Variants in WDR33 observed in about 807,000 individuals in gnomAD.
WDR33 encodes the protein WD repeat domain 33.
Under a neutral mutation model 164.9 loss-of-function variants are expected in WDR33, and 47 were observed. The observed-to-expected ratio is 0.29, with a 90% CI of 0.23 to 0.36. The LOEUF (loss-of-function observed/expected upper bound fraction) is 0.36. Ranked by LOEUF, WDR33 falls within the 10% of genes least tolerant of loss-of-function variation. The pLI, the probability that WDR33 is intolerant of heterozygous loss-of-function variation, is 1.00. For synonymous variants in WDR33, 505 were observed against 589.0 expected (o/e 0.86, Z 2.06); for missense variants, 1,137 against 1,754.1 (o/e 0.65, Z 6.28).
intron 1 of WDR33, among the ~76,000 whole-genome samples, chr2:127,793,538 C>G (rs1688916424): frequency 6.6e-6 from 1 of 151,736 alleles, no homozygotes; most frequent in African/African-American, 2.4e-5. Flanking sequence ...GCCAGGAGTT[C>G]AAGACCACCC....
rs894023705 is a variant in WDR33, at chr2:127,718,444, A to G, written c.2760+821T>C. On this transcript the variant is annotated intron_variant, in intron 16 of 21. Transcript: ENST00000322313. The surrounding 1 kb of genome is among the most constrained non-coding windows in gnomAD (Gnocchi z 4.4). ...AACTTGAGAAAAGCATAAAATGCACATAGCTGAGCAGTATTACATCTATTT... is the reference window on the plus strand; with the variant it reads ...AACTTGAGAAAAGCATAAAATGCACGTAGCTGAGCAGTATTACATCTATTT... 1.3e-5 allele frequency among the ~76,000 whole-genome samples: 2 copies of G among 152,160 alleles called. No homozygotes were observed. Among genetic ancestry groups the G allele is most frequent in the African/African-American group, 2.4e-5 (1 of 41,454 alleles).
At chr2:127,805,411 G>A (rs769434815) in intron 1 of WDR33, among the ~76,000 whole-genome samples, 1 of 151,898 alleles carries the variant, frequency 6.6e-6, no homozygotes, top group Non-Finnish European at 1.5e-5. Context: ...AAAAATATTT[G>A]ACCCAAATTT....
Position 127,717,713 on chromosome 2 carries a change from C to T in WDR33, c.2761-450G>A, listed in dbSNP as rs555072217. On this transcript the variant is annotated intron_variant, in intron 16 of 21. Coordinates refer to ENST00000322313, the MANE Select transcript of WDR33 (RefSeq NM_018383.5). The surrounding 1 kb of genome is among the most constrained non-coding windows in gnomAD (Gnocchi z 5.6). ...GTATCAGATCTTCAGACTCATTCTACCAGTATTTCTATAGGTCAATTAAAA... is the reference window on the plus strand; with the variant it reads ...GTATCAGATCTTCAGACTCATTCTATCAGTATTTCTATAGGTCAATTAAAA... Among the ~76,000 whole-genome samples the T allele has an allele frequency of 6.6e-6, 1 of 152,294 alleles. No homozygotes were observed. Among genetic ancestry groups the T allele is most frequent in the South Asian group, 2.1e-4 (1 of 4,824 alleles).
chr2:127,756,042 A>G (rs1238819379), intron 7 of WDR33, among the ~76,000 whole-genome samples: 1 of 152,158 alleles, frequency 6.6e-6, no homozygotes, highest in African/African-American at 2.4e-5. Context: ...CTGGTATACC[A>G]TAAAAAAGTG....
chr2:127,729,221 G>A (rs1357946295), intron 7 of WDR33, among the ~76,000 whole-genome samples: 2 of 152,194 alleles, frequency 1.3e-5, no homozygotes, highest in Non-Finnish European at 2.9e-5. Flanking sequence ...TTTTACATCT[G>A]AAGACTGTAA....
intron 4 of WDR33, 21 bp downstream of exon 4, chr2:127,768,168 A>C: frequency 6.9e-7 from 1 of 1,441,522 alleles, no homozygotes; most frequent in East Asian, 2.4e-5. Flanking sequence ...TTTCCCCCAA[A>C]ATATCCAACA....
chr2:127,726,913 T>C lies in WDR33; in HGVS notation c.725-136A>G. On this transcript the variant is annotated intron_variant, in intron 7 of 21. Transcript: ENST00000322313. The surrounding 1 kb of genome is among the most constrained non-coding windows in gnomAD (Gnocchi z 4.8). ...TAAAACTTGTTTTGTGAAGACTCTT[T>C]GGCCTCTGTGTGTCTGGAAATTTTT... 1.8e-6 allele frequency: 2 copies of C among 1,142,086 alleles called. No homozygotes were observed. The highest frequency in any genetic ancestry group is 2.5e-5 in the East Asian group (1 of 39,464). 70.7% of individuals were successfully genotyped at this position (1,142,086 alleles called of 1,614,324 possible). A position where few individuals can be genotyped will look rare whatever the true frequency, so the allele number is the denominator to read the frequency against.
At chr2:127,768,893 G>T (rs773128553) in intron 3 of WDR33, 40 bp downstream of exon 3, 2 of 1,477,980 alleles carry the variant, frequency 1.4e-6, no homozygotes, top group Non-Finnish European at 1.9e-6. Flanking sequence ...TTCAAGCAAG[G>T]AAGTGTTTAT....
chr2:127,744,175 G>A (rs947551107), intron 7 of WDR33, among the ~76,000 whole-genome samples: 4 of 152,116 alleles, frequency 2.6e-5, no homozygotes, highest in Non-Finnish European at 4.4e-5. Context: ...TGACTTCCTG[G>A]ACAGTGAAGA....
intron 1 of WDR33, among the ~76,000 whole-genome samples, chr2:127,802,604 T>C (rs1573486779): frequency 3.3e-5 from 5 of 152,310 alleles, no homozygotes; most frequent in Admixed American, 3.3e-4. Flanking sequence ...ATATAGTATT[T>C]AATTTTATTC....
Position 127,708,679 on chromosome 2 carries a change from T to G in WDR33, c.3779A>C (p.Lys1260Thr). 1.9e-6 allele frequency: 3 copies of G among 1,600,736 alleles called. No homozygotes were observed. The highest frequency in any genetic ancestry group is 2.6e-6 in the Non-Finnish European group (3 of 1,172,330). ...CATAACCACTGGCCTGCTCTTACCT[T>G]TGCCTCCTCGGTCTTCAGAAGGGCC... Reference protein sequence around the residue: ...PGGPSEDRGGKGRGGPGPAQR... With the variant: ...PGGPSEDRGGTGRGGPGPAQR... The change falls in exon 21 of 22, where the codon AAA becomes ACA. Residue 1260 changes from lysine to threonine, a missense_variant and splice_region_variant. Transcript: ENST00000322313. The surrounding 1 kb of genome is among the most constrained non-coding windows in gnomAD (Gnocchi z 6.7).
At position 127,723,092 on chromosome 2, in the gene WDR33, C is replaced by T. The variant is rs1260758956; in HGVS notation, c.1292-48G>A. The T allele has an allele frequency of 7.9e-6, 12 of 1,516,482 alleles. No homozygotes were observed. Among genetic ancestry groups the T allele is most frequent in the East Asian group, 2.3e-5 (1 of 44,102 alleles). 93.9% of individuals were successfully genotyped at this position (1,516,482 alleles called of 1,614,324 possible). ...GTCAATAGAGAATTTACAAAAGTAG[C>T]GACTGATAAAATTAATGCTTTATAA... On this transcript the variant is annotated intron_variant, in intron 12 of 21. Transcript: ENST00000322313. This position sits in a 1 kb window ranked among gnomAD's most constrained non-coding sequence, Gnocchi z 5.9.
rs1686330032 is a variant in WDR33, at chr2:127,717,496, A to G, written c.2761-233T>C. Among the ~76,000 whole-genome samples the G allele has an allele frequency of 6.6e-6, 1 of 152,198 alleles. No homozygotes were observed. Among genetic ancestry groups the G allele is most frequent in the South Asian group, 2.1e-4 (1 of 4,830 alleles). On this transcript the variant is annotated intron_variant, in intron 16 of 21. Transcript: ENST00000322313. This position sits in a 1 kb window ranked among gnomAD's most constrained non-coding sequence, Gnocchi z 5.6. ...AACTTTTATGTAAAATTAGATCTTT[A>G]CTCGTAATGCCAAAAAAGAACATCA...
chr2:127,763,210 A>G lies in WDR33; in HGVS notation c.627-51T>C. On this transcript the variant is annotated intron_variant, in intron 6 of 21. Coordinates refer to ENST00000322313, the MANE Select transcript of WDR33 (RefSeq NM_018383.5). The surrounding 1 kb of genome is among the most constrained non-coding windows in gnomAD (Gnocchi z 4.5). ...GGAAAGAAGTCAGCATTTAACAGAT[A>G]ATCTGTGCTTCTCAGACAGGGAAAA... The G allele has an allele frequency of 1.9e-6, 3 of 1,613,122 alleles. No individual in the cohort carries two copies. The highest frequency in any genetic ancestry group is 8.5e-7 in the Non-Finnish European group (1 of 1,179,316).
rs141872283 is a variant in WDR33 at position 127,765,122 on chromosome 2, A to C, written c.474+52T>G. 969 of 1,578,006 alleles carry C rather than the reference A, an allele frequency of 6.1e-4. 9 individuals carry two copies. In the East Asian group the frequency reaches 0.016, roughly 26 times the overall value. The stretch of plus-strand genomic sequence containing the variant: ...AATGCCAATGAAATGACTATATCTC[A>C]AGTTCTTTACAGTACCACAGGATGA... On this transcript the variant is annotated intron_variant, in intron 5 of 21. Coordinates refer to ENST00000322313, the MANE Select transcript of WDR33 (RefSeq NM_018383.5).
chr2:127,777,126 C>T (rs13414826), intron 1 of WDR33, among the ~76,000 whole-genome samples: 3,229 of 152,274 alleles, frequency 0.021, 119 homozygotes, highest in African/African-American at 0.075. Context: ...ATTCAGTATA[C>T]ACTAACAATA....
intron 1 of WDR33, among the ~76,000 whole-genome samples, chr2:127,796,508 G>A (rs1199822696): frequency 1.3e-5 from 2 of 151,936 alleles, no homozygotes; most frequent in Admixed American, 6.6e-5. Context: ...GAGCTCAAGA[G>A]TTCAAGTTCA....
Position 127,722,591 on chromosome 2 carries a change from C to T in WDR33, c.1518G>A (p.Gln506=), listed in dbSNP as rs143826098. The T allele has an allele frequency of 1.9e-6, 3 of 1,612,150 alleles. No homozygotes were observed. Among genetic ancestry groups the T allele is most frequent in the Middle Eastern group, 1.6e-4 (1 of 6,082 alleles). ...YAKPIPAQFQ[Q]AWMQNKVPIP... ...ATGAGGTGGAGTCACTTTTACTTAC[C>T]TGCTGGAACTGAGCAGGAATGGGTT... is the stretch of plus-strand genomic sequence containing the variant. Residue 506 remains glutamine (Q), a splice_region_variant and synonymous_variant, in exon 14 of 22, where the codon CAG becomes CAA. Coordinates refer to ENST00000322313, the MANE Select transcript of WDR33 (RefSeq NM_018383.5). This position sits in a 1 kb window ranked among gnomAD's most constrained non-coding sequence, Gnocchi z 5.1.
chr2:127,755,506 C>T (rs1422038875), intron 7 of WDR33, among the ~76,000 whole-genome samples: 1 of 152,122 alleles, frequency 6.6e-6, no homozygotes, highest in Admixed American at 6.5e-5. Context: ...TCCAGCAATC[C>T]TATTAAAAAA....
Sources: gnomAD v4.1 joint callset for allele counts (sites outside exome capture counted in the v4.1 genomes callset) on GRCh38, gnomAD v4.1.1 for gene constraint, Gnocchi (gnomAD v3.1) non-coding constraint, MANE v1.5 for transcripts, NCBI Gene and HGNC (gene_info 2026-07-23, HGNC 2026-07-21) for gene names.